The following REEP3 variants were observed in gnomAD, a reference collection of about 807,000 sequenced individuals.
REEP3 encodes the protein receptor expression-enhancing protein 3.
In REEP3, 20 loss-of-function variants were observed where a neutral mutation model predicts 41.3. The observed-to-expected ratio is 0.48, with a 90% CI of 0.34 to 0.70. The LOEUF (loss-of-function observed/expected upper bound fraction) is 0.70. Ranked by LOEUF, REEP3 falls within the 30% of genes least tolerant of loss-of-function variation. The pLI, the probability that REEP3 is intolerant of heterozygous loss-of-function variation, is 0.01. For synonymous variants in REEP3, 104 were observed against 101.8 expected, an observed-to-expected ratio of 1.02 and a Z score of -0.13; for missense variants, 271 against 308.8, an observed-to-expected ratio of 0.88 and a Z score of 0.92.
intron 1 of REEP3, among the ~76,000 whole-genome samples, chr10:63,564,921 C>T (rs1955782601): frequency 6.6e-6 from 1 of 152,118 alleles, no homozygotes. Flanking sequence ...GAATTGTTTA[C>T]ATAAAGTAAA....
intron 1 of REEP3, among the ~76,000 whole-genome samples, chr10:63,523,802 T>C (rs1383875896): frequency 1.3e-5 from 2 of 152,166 alleles, no homozygotes; most frequent in Non-Finnish European, 2.9e-5. Context: ...GCTGGAAAGG[T>C]AGCCTGGGGC....
chr10:63,584,296 C>T (rs922683033), intron 2 of REEP3, among the ~76,000 whole-genome samples: 25 of 152,142 alleles, frequency 1.6e-4, no homozygotes, highest in Non-Finnish European at 3.5e-4. Context: ...ACTCCCAAGT[C>T]ATTGGTGTAC....
intron 5 of REEP3, among the ~76,000 whole-genome samples, chr10:63,602,406 T>C (rs1956180592): frequency 6.6e-6 from 1 of 152,214 alleles, no homozygotes; most frequent in Non-Finnish European, 1.5e-5. Flanking sequence ...GCATTTTTGA[T>C]TTTGCAAATC....
At chr10:63,578,770 C>G (rs1955920637) in intron 2 of REEP3, among the ~76,000 whole-genome samples, 1 of 152,116 alleles carries the variant, frequency 6.6e-6, no homozygotes, top group Non-Finnish European at 1.5e-5. Context: ...GAGCAAGACC[C>G]TGTCTCGAAA....
intron 1 of REEP3, among the ~76,000 whole-genome samples, chr10:63,552,552 T>G (rs190610454): frequency 3.5e-4 from 53 of 152,362 alleles, no homozygotes; most frequent in Non-Finnish European, 6.8e-4. Context: ...CAAATAGCAT[T>G]GCATCTTATT....
chr10:63,536,109 A>G (rs1955471767), intron 1 of REEP3, among the ~76,000 whole-genome samples: 1 of 152,176 alleles, frequency 6.6e-6, no homozygotes, highest in Non-Finnish European at 1.5e-5. Context: ...TGTTATGTTC[A>G]TTTCACCAAT....
intron 2 of REEP3, among the ~76,000 whole-genome samples, chr10:63,586,828 G>A (rs576159360): frequency 6.4e-4 from 98 of 152,100 alleles, no homozygotes; most frequent in African/African-American, 2.0e-3. Context: ...CACGACACCC[G>A]GCTTATTAAT....
chr10:63,596,799 A>G (rs952307737), intron 3 of REEP3, among the ~76,000 whole-genome samples: 4 of 152,136 alleles, frequency 2.6e-5, no homozygotes, highest in Non-Finnish European at 5.9e-5. Flanking sequence ...TGTTTTAGAG[A>G]CAGGGTCTTG....
At chr10:63,555,708 C>A (rs920778424) in intron 1 of REEP3, among the ~76,000 whole-genome samples, 1 of 152,202 alleles carries the variant, frequency 6.6e-6, no homozygotes, top group Non-Finnish European at 1.5e-5. Context: ...AACCAACGTA[C>A]TGTACTGACA....
At chr10:63,561,283 G>A (rs1955736830) in intron 1 of REEP3, among the ~76,000 whole-genome samples, 1 of 152,208 alleles carries the variant, frequency 6.6e-6, no homozygotes, top group Non-Finnish European at 1.5e-5. Context: ...GACTAGTCCT[G>A]ACAAATTCTT....
intron 1 of REEP3, among the ~76,000 whole-genome samples, chr10:63,535,865 T>G (rs1441019963): frequency 6.6e-6 from 1 of 152,188 alleles, no homozygotes; most frequent in Non-Finnish European, 1.5e-5. Flanking sequence ...TGCCCAAGTG[T>G]AAAAAGTACA....
chr10:63,599,756 A>C (rs1956156104), intron 5 of REEP3: 9 of 889,932 alleles, frequency 1.0e-5, no homozygotes, highest in Non-Finnish European at 1.2e-5. Context: ...TCTGTTCTTA[A>C]AACTTGGTAC....
chr10:63,553,157 G>A (rs1955645277), intron 1 of REEP3, among the ~76,000 whole-genome samples: 1 of 152,220 alleles, frequency 6.6e-6, no homozygotes, highest in African/African-American at 2.4e-5. Context: ...AACAGGCAGT[G>A]TGGCTCTGAG....
chr10:63,615,943 A>G (rs141271634), intron 6 of REEP3, among the ~76,000 whole-genome samples: 7 of 152,268 alleles, frequency 4.6e-5, no homozygotes, highest in African/African-American at 1.7e-4. Context: ...GCTATACTAC[A>G]GTAACCTCCC....
In REEP3 at chr10:63,543,463, GTT is replaced by G. The variant is rs35146368; in HGVS notation, c.32+21903_32+21904del. Among the ~76,000 whole-genome samples the G allele has an allele frequency of 1.9e-3, 268 of 138,294 alleles. 1 individual carries two copies. Among genetic ancestry groups the G allele is most frequent in the Non-Finnish European group, 2.2e-3 (142 of 63,916 alleles). The allele number at this position is 138,294 out of a possible 152,430, so 90.7% of individuals were successfully genotyped here. ...GACTTGCACCACCATGCCCCATTAAGTTTTTTTTTTTTTTTTTTAGAGACAAG... is the reference window on the plus strand; with the variant it reads ...GACTTGCACCACCATGCCCCATTAAGTTTTTTTTTTTTTTTTAGAGACAAG... On this transcript the variant is annotated intron_variant, in intron 1 of 7. Transcript: ENST00000373758.
chr10:63,621,658 T>G lies in REEP3; in HGVS notation c.*789T>G, dbSNP rs1022795902. ...GTTTTAACTATTTTTAATTATCTTC[T>G]TAACAAATAAGAAGTTGCTTTAAAC... On this transcript the variant is annotated 3_prime_UTR_variant, in exon 8 of 8. Coordinates refer to ENST00000373758, the MANE Select transcript of REEP3 (RefSeq NM_001001330.3). The G allele has an allele frequency of 2.0e-5, 3 of 152,640 alleles. No homozygotes were observed. Among genetic ancestry groups the G allele is most frequent in the African/African-American group, 7.2e-5 (3 of 41,450 alleles). 9.5% of individuals were successfully genotyped at this position (152,640 alleles called of 1,614,324 possible).
At chr10:63,601,735 G>A (rs1408979777) in intron 5 of REEP3, among the ~76,000 whole-genome samples, 2 of 152,024 alleles carry the variant, frequency 1.3e-5, no homozygotes, top group Admixed American at 6.6e-5. Flanking sequence ...CCTGGCCAAC[G>A]TGGTGAAACC....
At chr10:63,551,334 A>AAT in intron 1 of REEP3, among the ~76,000 whole-genome samples, 1 of 152,354 alleles carries the variant, frequency 6.6e-6, no homozygotes, top group African/African-American at 2.4e-5. Context: ...GCATAAAATA[A>AAT]ATATCATGAG....
chr10:63,522,022 G>T (rs770967208), intron 1 of REEP3, among the ~76,000 whole-genome samples: 11 of 152,134 alleles, frequency 7.2e-5, no homozygotes, highest in Non-Finnish European at 1.0e-4. Flanking sequence ...GAGGCTCCGC[G>T]ATCCTCCCGA....
Sources: gnomAD v4.1 joint callset for allele counts (sites outside exome capture counted in the v4.1 genomes callset) on GRCh38, gnomAD v4.1.1 for gene constraint, MANE v1.5 for transcripts, NCBI Gene and HGNC (gene_info 2026-07-23, HGNC 2026-07-21) for gene names.